Variants in BEST3 observed in about 807,000 individuals in gnomAD.
BEST3 encodes the protein bestrophin 3.
BEST3 carries 50 observed loss-of-function variants against 47.1 expected under a neutral mutation model. The ratio of observed to expected loss-of-function variants is 1.06; its 90% CI spans 0.85 to 1.34. The LOEUF is 1.34. Among genes scored for constraint, BEST3 ranks in the 40% most tolerant of loss-of-function variants. The probability of loss-of-function intolerance (pLI) is 0.00; values close to 1 mark genes in which losing one functional copy is unlikely to be tolerated. For missense variants in BEST3, 765 were observed against 817.0 expected (o/e 0.94, Z 0.78); for synonymous variants, 282 against 298.8 (o/e 0.94, Z 0.58).
At chr12:69,668,755 A>G (rs1174894355) in intron 9 of BEST3, among the ~76,000 whole-genome samples, 1 of 152,206 alleles carries the variant, frequency 6.6e-6, no homozygotes, top group Non-Finnish European at 1.5e-5. Context: ...GAATAGTCAA[A>G]ATATTGTCTC....
Position 69,654,902 on chromosome 12 carries a change from G to A in BEST3, c.*5C>T. 6.2e-7 allele frequency: 1 copy of A among 1,604,404 alleles called. No individual in the cohort carries two copies. Among genetic ancestry groups the A allele is most frequent in the Non-Finnish European group, 8.5e-7 (1 of 1,173,916 alleles). ...CTAGAACCAGGTCCTAGAACTTGGT[G>A]GCACTCATTTGGGTGATTCCTCAGT... On this transcript the variant is annotated 3_prime_UTR_variant, in exon 10 of 10. Transcript: ENST00000330891.
intron 4 of BEST3, among the ~76,000 whole-genome samples, chr12:69,690,967 C>T (rs1218206783): frequency 2.0e-5 from 3 of 152,108 alleles, no homozygotes; most frequent in African/African-American, 7.2e-5. Context: ...CCCTGAATCC[C>T]CCTTAACCAA....
chr12:69,678,599 G>T, intron 5 of BEST3, 140 bp downstream of exon 5: 2 of 761,538 alleles, frequency 2.6e-6, no homozygotes, highest in Non-Finnish European at 4.2e-6. Flanking sequence ...ATGTTGAGAG[G>T]TCTGACACTA....
At position 69,678,649 on chromosome 12, in the gene BEST3, A is replaced by C; in HGVS notation, c.636+90T>G. On this transcript the variant is annotated intron_variant, in intron 5 of 9. Coordinates refer to ENST00000330891, the MANE Select transcript of BEST3 (RefSeq NM_032735.3). ...GTTCCTCTGGAACCAGGACTGAACA[A>C]AGCTGACTCTTCCTGGTCTAACGTG... 3 of 1,298,892 alleles carry C rather than the reference A, an allele frequency of 2.3e-6. No individual in the cohort carries two copies. The South Asian group carries it at 4.1e-5, about 18-fold the overall frequency. 80.5% of individuals were successfully genotyped at this position (1,298,892 alleles called of 1,614,324 possible).
chr12:69,691,664 C>A (rs11836914), intron 4 of BEST3, among the ~76,000 whole-genome samples: 37 of 151,922 alleles, frequency 2.4e-4, no homozygotes, highest in African/African-American at 8.9e-4. Context: ...TGGTGGTGTG[C>A]GCCTGTAGTC....
intron 4 of BEST3, 99 bp from the exon 5 acceptor site, chr12:69,678,992 T>TA (rs747075233): frequency 6.2e-5 from 61 of 990,518 alleles, no homozygotes; most frequent in Non-Finnish European, 8.7e-5. Flanking sequence ...AATGAGGGGA[T>TA]ATTAAAGAAA....
rs111322866 is a variant in BEST3 at position 69,646,025 on chromosome 12, C to T, written c.1101-2238G>A. 5.7e-3 allele frequency among the ~76,000 whole-genome samples: 861 copies of T among 152,214 alleles called. 9 individuals are homozygous for T. The highest frequency in any genetic ancestry group is 9.0e-3 in the Non-Finnish European group (610 of 68,018). On this transcript the variant is annotated intron_variant, in intron 9 of 9. Transcript: ENST00000331471. ...GATCTCGGCTCACTGCAACCTCTGC[C>T]CCCGAGGTTCAAGTGATTTTCCTGC... is the stretch of plus-strand genomic sequence containing the variant.
At chr12:69,678,315 T>C (rs902937214) in intron 5 of BEST3, among the ~76,000 whole-genome samples, 1 of 152,212 alleles carries the variant, frequency 6.6e-6, no homozygotes, top group African/African-American at 2.4e-5. Flanking sequence ...TCTGAAAGGC[T>C]GGCTTAACCT....
chr12:69,681,100 A>G (rs1365878050), intron 4 of BEST3, among the ~76,000 whole-genome samples: 1 of 152,112 alleles, frequency 6.6e-6, no homozygotes, highest in Non-Finnish European at 1.5e-5. Flanking sequence ...TTTAAATGTT[A>G]ATTATGATTT....
At chr12:69,648,020 A>G (rs1302321652) in intron 9 of BEST3, among the ~76,000 whole-genome samples, 1 of 152,254 alleles carries the variant, frequency 6.6e-6, no homozygotes, top group East Asian at 1.9e-4. Flanking sequence ...TGGCATTAGT[A>G]ATGAGACTAA....
chr12:69,690,659 A>G (rs1220425369), intron 4 of BEST3, among the ~76,000 whole-genome samples: 1 of 152,224 alleles, frequency 6.6e-6, no homozygotes, highest in Non-Finnish European at 1.5e-5. Context: ...CGTCAGAACT[A>G]GAGAAATATC....
chr12:69,688,681 G>A (rs1163810240), intron 4 of BEST3, among the ~76,000 whole-genome samples: 2 of 152,090 alleles, frequency 1.3e-5, no homozygotes, highest in Non-Finnish European at 2.9e-5. Context: ...TGGCCCTCTC[G>A]CTTATTTCCT....
In BEST3 at chr12:69,655,644, A is replaced by G. The variant is rs1464191638; in HGVS notation, c.1270T>C (p.Leu424=). The G allele has an allele frequency of 6.2e-7, 1 of 1,613,940 alleles. No homozygotes were observed. The change falls in exon 10 of 10, where the codon TTA becomes CTA. Residue 424 remains leucine (L), a synonymous_variant. Coordinates refer to ENST00000330891, the MANE Select transcript of BEST3 (RefSeq NM_032735.3). ...RRQTSDSSMF[L]PRDDLSPARD... is the part of the protein sequence containing the mutation. ...GCTGGGCTGAGGTCATCTCGGGGTA[A>G]GAACATGGAGCTGTCACTTGTCTGC... is the stretch of plus-strand genomic sequence containing the variant.
chr12:69,689,203 T>G, intron 4 of BEST3: 3 of 985,362 alleles, frequency 3.0e-6, no homozygotes, highest in Non-Finnish European at 3.6e-6. Context: ...AGTCAGAGAG[T>G]GGCGGAGGCA....
chr12:69,677,509 G>A (rs1884997073), intron 5 of BEST3, among the ~76,000 whole-genome samples: 1 of 152,194 alleles, frequency 6.6e-6, no homozygotes, highest in Admixed American at 6.5e-5. Flanking sequence ...GGCCAGGTGT[G>A]GTGGCTCATG....
chr12:69,685,864 G>A (rs1446989916), intron 4 of BEST3, among the ~76,000 whole-genome samples: 2 of 152,226 alleles, frequency 1.3e-5, no homozygotes, highest in East Asian at 3.9e-4. Flanking sequence ...AATGTGGGGG[G>A]AACCTTCAAA....
At chr12:69,665,447 G>T (rs1884136400) in intron 9 of BEST3, among the ~76,000 whole-genome samples, 1 of 152,132 alleles carries the variant, frequency 6.6e-6, no homozygotes. Flanking sequence ...ACAAAAATTA[G>T]CTGGGTGTGG....
rs1886063053 is a variant in BEST3, at chr12:69,694,507, T to C, written c.153-43A>G. The C allele has an allele frequency of 4.8e-6, 5 of 1,032,338 alleles. No individual in the cohort carries two copies. The East Asian group carries it at 1.4e-4, about 28-fold the overall frequency. 63.9% of individuals were successfully genotyped at this position (1,032,338 alleles called of 1,614,324 possible). A position where few individuals can be genotyped will look rare whatever the true frequency, so the allele number is the denominator to read the frequency against. On this transcript the variant is annotated intron_variant, in intron 2 of 9. Coordinates refer to ENST00000330891, the MANE Select transcript of BEST3 (RefSeq NM_032735.3). ...TGCACAGCCCTTTATGATATTATAC[T>C]TCTGCACCTGCTTTGCAAGTGACAT... is the stretch of plus-strand genomic sequence containing the variant.
rs143136455 is a variant in BEST3 at position 69,686,122 on chromosome 12, C to T, written c.482-7229G>A. Among the ~76,000 whole-genome samples, 10 of 147,576 alleles carry T rather than the reference C, an allele frequency of 6.8e-5. No homozygotes were observed. In the East Asian group the frequency reaches 2.1e-3, roughly 30 times the overall value. On this transcript the variant is annotated intron_variant, in intron 4 of 9. Transcript: ENST00000330891. ...TACCACTATCCCCTTGGCTCTCACT[C>T]TTGTAACACAAGGCAGTGGAGATTC...
Sources: gnomAD v4.1 joint callset for allele counts (sites outside exome capture counted in the v4.1 genomes callset) on GRCh38, gnomAD v4.1.1 for gene constraint, MANE v1.5 for transcripts, NCBI Gene and HGNC (gene_info 2026-07-23, HGNC 2026-07-21) for gene names.